Variants in CNTLN observed in about 807,000 individuals in gnomAD.
The protein encoded by CNTLN is centlein, centrosomal protein.
Under a neutral mutation model 180.0 loss-of-function variants are expected in CNTLN, and 212 were observed. The observed-to-expected ratio is 1.18, with a 90% CI of 1.05 to 1.32. CNTLN has a LOEUF of 1.32. Ranked by LOEUF, CNTLN falls within the 40% of genes most tolerant of loss-of-function variation. The pLI is 0.00. For synonymous variants in CNTLN, 722 were observed against 563.1 expected, an observed-to-expected ratio of 1.28 and a Z score of -3.99; for missense variants, 2,095 against 1,610.9, an observed-to-expected ratio of 1.30 and a Z score of -5.14.
intron 2 of CNTLN, among the ~76,000 whole-genome samples, chr9:17,148,950 C>T (rs1357719915): frequency 6.6e-6 from 1 of 152,118 alleles, no homozygotes; most frequent in Non-Finnish European, 1.5e-5. Context: ...CGTATTTCTC[C>T]TAATGTTATC....
intron 25 of CNTLN, chr9:17,494,876 C>CTTT (rs35224903): frequency 2.1e-3 from 575 of 272,824 alleles, no homozygotes; most frequent in South Asian, 3.6e-3. Context: ...CTATACCATA[C>CTTT]TTTTTTTTTT....
intron 2 of CNTLN, among the ~76,000 whole-genome samples, chr9:17,145,634 T>C (rs1818404804): frequency 6.6e-6 from 1 of 152,188 alleles, no homozygotes; most frequent in Non-Finnish European, 1.5e-5. Context: ...GACATTTGTA[T>C]AACAGGCTGA....
chr9:17,372,292 T>G (rs1229945884), intron 13 of CNTLN, among the ~76,000 whole-genome samples: 1 of 152,046 alleles, frequency 6.6e-6, no homozygotes, highest in Non-Finnish European at 1.5e-5. Context: ...CTGCAGAAAT[T>G]TAAAGCATTG....
intron 14 of CNTLN, among the ~76,000 whole-genome samples, chr9:17,388,922 G>A (rs913070916): frequency 1.3e-5 from 2 of 151,728 alleles, no homozygotes; most frequent in African/African-American, 4.8e-5. Flanking sequence ...CAATTAAGTG[G>A]ATCTAATTAT....
chr9:17,281,007 G>C (rs761359425), intron 6 of CNTLN, among the ~76,000 whole-genome samples: 6 of 152,154 alleles, frequency 3.9e-5, no homozygotes, highest in Non-Finnish European at 8.8e-5. Context: ...TTTAATAAGA[G>C]ACAGGAACTG....
intron 5 of CNTLN, among the ~76,000 whole-genome samples, chr9:17,269,225 T>C (rs1258663647): frequency 6.6e-6 from 1 of 152,148 alleles, no homozygotes; most frequent in Non-Finnish European, 1.5e-5. Flanking sequence ...CCAACTCTTA[T>C]TTAAAATTTT....
chr9:17,210,099 A>C (rs2131954646), intron 2 of CNTLN, among the ~76,000 whole-genome samples: 1 of 152,260 alleles, frequency 6.6e-6, no homozygotes, highest in East Asian at 1.9e-4. Context: ...GTTCTGGGGT[A>C]CATGTGCACA....
Position 17,209,713 on chromosome 9 carries a change from T to C in CNTLN, c.450-16490T>C, listed in dbSNP as rs182006491. Among the ~76,000 whole-genome samples the C allele has an allele frequency of 3.3e-5, 5 of 152,328 alleles. No homozygotes were observed. The East Asian group carries it at 9.6e-4, about 29-fold the overall frequency. ...AGTTTTTGTCTTGAAATCTGTTTTG[T>C]CTAAGTATAGCTACTCATACTCATT... is the stretch of plus-strand genomic sequence containing the variant. On this transcript the variant is annotated intron_variant, in intron 2 of 25. Coordinates refer to ENST00000380647, the MANE Select transcript of CNTLN (RefSeq NM_017738.4).
chr9:17,497,489 C>G (rs894705099), intron 25 of CNTLN, among the ~76,000 whole-genome samples: 1 of 152,166 alleles, frequency 6.6e-6, no homozygotes, highest in Non-Finnish European at 1.5e-5. Context: ...ATCTCCCCAA[C>G]CCCAAGGACT....
In CNTLN at chr9:17,330,762, G is replaced by T; in HGVS notation, c.1472G>T (p.Gly491Val). ...TCAGAAAACATATCTGCCAACAAGGGTTTCTCCCGAAAGAGCATCATGACA... is the reference window on the plus strand; with the variant it reads ...TCAGAAAACATATCTGCCAACAAGGTTTTCTCCCGAAAGAGCATCATGACA... ...KLSENISANK[G>V]FSRKSIMTSA... Residue 491 changes from glycine (G) to valine (V), a missense_variant, in exon 9 of 26, where the codon GGT becomes GTT. Gly to Val is a moderately radical substitution (Grantham distance 109, BLOSUM62 -3). Coordinates refer to ENST00000380647, the MANE Select transcript of CNTLN (RefSeq NM_017738.4). The T allele has an allele frequency of 6.2e-7, 1 of 1,610,656 alleles. No homozygotes were observed. The highest frequency in any genetic ancestry group is 1.1e-5 in the South Asian group (1 of 90,516).
At chr9:17,449,227 T>C (rs1441927687) in intron 18 of CNTLN, among the ~76,000 whole-genome samples, 1 of 152,176 alleles carries the variant, frequency 6.6e-6, no homozygotes, top group Non-Finnish European at 1.5e-5. Flanking sequence ...AGAGAGCTTT[T>C]CTTCTACCAT....
chr9:17,367,563 G>A (rs1823935036), intron 13 of CNTLN, among the ~76,000 whole-genome samples: 1 of 152,136 alleles, frequency 6.6e-6, no homozygotes, highest in Non-Finnish European at 1.5e-5. Context: ...TGGCAGCACA[G>A]CTCATGGCTC....
At chr9:17,164,722 C>T (rs890756214) in intron 2 of CNTLN, among the ~76,000 whole-genome samples, 3 of 151,664 alleles carry the variant, frequency 2.0e-5, no homozygotes, top group Non-Finnish European at 4.4e-5. Flanking sequence ...GCTGGGATTA[C>T]TGGTGTGAGC....
chr9:17,266,625 G>T (rs1391114460), intron 5 of CNTLN, among the ~76,000 whole-genome samples: 2 of 152,110 alleles, frequency 1.3e-5, no homozygotes, highest in Admixed American at 6.5e-5. Flanking sequence ...TCTGTTTAGT[G>T]TTGACGGTGG....
At chr9:17,157,740 C>A (rs1207747765) in intron 2 of CNTLN, among the ~76,000 whole-genome samples, 1 of 152,106 alleles carries the variant, frequency 6.6e-6, no homozygotes, top group East Asian at 1.9e-4. Context: ...GCATGCCAGA[C>A]ATGTATGTCA....
At chr9:17,298,656 T>C (rs536291639) in intron 7 of CNTLN, 4 of 1,028,632 alleles carry the variant, frequency 3.9e-6, no homozygotes, top group African/African-American at 3.4e-5. Context: ...GTCTCAAAAC[T>C]GGAATGGAAT....
In CNTLN at chr9:17,462,949, A is replaced by G. The variant is rs750994931; in HGVS notation, c.3340A>G (p.Asn1114Asp). ...TAATGAACTCACTAAACAGTCATCAAATGTGAAGACTTTGAAATTTGAACT... is the reference window on the plus strand; with the variant it reads ...TAATGAACTCACTAAACAGTCATCAGATGTGAAGACTTTGAAATTTGAACT... ...ATNELTKQSS[N>D]VKTLKFELLA... The change falls in exon 20 of 26, where the codon AAT becomes GAT. Residue 1114 changes from asparagine (N) to aspartate (D), a missense_variant. Asn to Asp is a conservative substitution (Grantham distance 23, BLOSUM62 1). Coordinates refer to ENST00000380647, the MANE Select transcript of CNTLN (RefSeq NM_017738.4). 1.1e-5 allele frequency: 18 copies of G among 1,579,768 alleles called. No homozygotes were observed. Among genetic ancestry groups the G allele is most frequent in the Middle Eastern group, 1.7e-4 (1 of 5,978 alleles).
chr9:17,390,421 T>C (rs1185750197), intron 14 of CNTLN, among the ~76,000 whole-genome samples: 2 of 151,788 alleles, frequency 1.3e-5, no homozygotes, highest in Non-Finnish European at 2.9e-5. Context: ...GTGTTTTTCG[T>C]AGAGATGAGG....
At chr9:17,350,564 T>C (rs1822279393) in intron 12 of CNTLN, among the ~76,000 whole-genome samples, 1 of 152,102 alleles carries the variant, frequency 6.6e-6, no homozygotes. Context: ...AACGCAAATC[T>C]CTTGCTGATA....
Sources: gnomAD v4.1 joint callset for allele counts (sites outside exome capture counted in the v4.1 genomes callset) on GRCh38, gnomAD v4.1.1 for gene constraint, MANE v1.5 for transcripts, NCBI Gene and HGNC (gene_info 2026-07-23, HGNC 2026-07-21) for gene names.